The following CNNM2 variants were observed in gnomAD, a reference collection of about 807,000 sequenced individuals.
The protein encoded by CNNM2 is cyclin and CBS domain divalent metal cation transport mediator 2.
CNNM2 carries 12 observed loss-of-function variants against 66.9 expected under a neutral mutation model. The observed-to-expected ratio is 0.18, with a 90% CI of 0.11 to 0.29. CNNM2 has a LOEUF of 0.29. CNNM2 is among the 10% of genes least tolerant of loss of function. CNNM2 has a pLI of 1.00. For missense variants in CNNM2, 705 were observed against 1,167.7 expected (o/e 0.60, Z 5.77); for synonymous variants, 557 against 501.8 (o/e 1.11, Z -1.47).
chr10:102,952,289 G>T (rs1388554295), intron 1 of CNNM2, among the ~76,000 whole-genome samples: 1 of 152,026 alleles, frequency 6.6e-6, no homozygotes, highest in Non-Finnish European at 1.5e-5. Context: ...TGGGGGCCGG[G>T]CGCAGTGGCT....
chr10:103,003,363 C>T (rs1842260656), intron 1 of CNNM2, among the ~76,000 whole-genome samples: 1 of 152,144 alleles, frequency 6.6e-6, no homozygotes, highest in Non-Finnish European at 1.5e-5. Context: ...ATCCGCCTGC[C>T]TCAGCTTCCC....
intron 1 of CNNM2, among the ~76,000 whole-genome samples, chr10:102,980,608 T>A (rs2063705180): frequency 6.6e-6 from 1 of 152,158 alleles, no homozygotes; most frequent in African/African-American, 2.4e-5. Context: ...CGCTGAAAGA[T>A]AAGGACTTTC....
intron 1 of CNNM2, chr10:102,921,049 C>T (rs1300196676): frequency 3.1e-6 from 3 of 977,060 alleles, no homozygotes; most frequent in Non-Finnish European, 3.6e-6. Flanking sequence ...TCCGTCAACT[C>T]TCACCGTTCC....
At chr10:102,988,863 G>C (rs1475133826) in intron 1 of CNNM2, among the ~76,000 whole-genome samples, 4 of 152,190 alleles carry the variant, frequency 2.6e-5, no homozygotes, top group African/African-American at 7.2e-5. Context: ...TGGCTTAGGT[G>C]ACCGACTAAC....
intron 6 of CNNM2, 27 bp downstream of exon 6, chr10:103,071,866 A>G: frequency 1.2e-6 from 2 of 1,601,936 alleles, no homozygotes; most frequent in Non-Finnish European, 8.6e-7. Context: ...CCTTTCCGTA[A>G]TTCTCCTGAT....
chr10:103,016,665 T>C (rs1397482714), intron 1 of CNNM2, among the ~76,000 whole-genome samples: 3 of 152,248 alleles, frequency 2.0e-5, no homozygotes. Flanking sequence ...ACTGGATGTG[T>C]ATTAACCAAT....
At chr10:102,970,735 C>T (rs1384185157) in intron 1 of CNNM2, among the ~76,000 whole-genome samples, 1 of 152,160 alleles carries the variant, frequency 6.6e-6, no homozygotes, top group Non-Finnish European at 1.5e-5. Flanking sequence ...CAGTTCACCC[C>T]CCTTCTTCAG....
chr10:102,985,008 T>C (rs1000146454), intron 1 of CNNM2, among the ~76,000 whole-genome samples: 1 of 152,146 alleles, frequency 6.6e-6, no homozygotes, highest in Non-Finnish European at 1.5e-5. Context: ...TTTGCTAATA[T>C]TTTCTACACT....
At position 103,084,546 on chromosome 10, in the gene CNNM2, T is replaced by C. The variant is rs1195985862; in HGVS notation, c.*7366T>C. 1 of 152,204 alleles carries C rather than the reference T, an allele frequency of 6.6e-6. No homozygotes were observed. Among genetic ancestry groups the C allele is most frequent in the Non-Finnish European group, 1.5e-5 (1 of 68,030 alleles). The allele number at this position is 152,204 out of a possible 1,614,324, so 9.4% of individuals were successfully genotyped here. On this transcript the variant is annotated 3_prime_UTR_variant, in exon 8 of 8. Coordinates refer to ENST00000369878, the MANE Select transcript of CNNM2 (RefSeq NM_017649.5). ...CCAGCCTCCTGCCTTGGTTTGTTTT[T>C]CCTGTTTTACTCACTTGGTCTAGAT...
intron 1 of CNNM2, among the ~76,000 whole-genome samples, chr10:102,984,455 A>G (rs1188800093): frequency 6.6e-6 from 1 of 152,204 alleles, no homozygotes; most frequent in African/African-American, 2.4e-5. Context: ...TAGTCCCAGT[A>G]GCCATTAAGT....
In CNNM2 at chr10:102,991,608, A is replaced by C. The variant is rs1176972855; in HGVS notation, c.1622-58099A>C. On this transcript the variant is annotated intron_variant, in intron 1 of 7. Coordinates refer to ENST00000369878, the MANE Select transcript of CNNM2 (RefSeq NM_017649.5). The stretch of plus-strand genomic sequence containing the variant: ...ATTCCATCGTCTGAAGTAAAGCTAT[A>C]CTAATTTGGAGTATCTGAAGGAGTA... Among the ~76,000 whole-genome samples, 4 of 152,282 alleles carry C rather than the reference A, an allele frequency of 2.6e-5. No individual in the cohort carries two copies. The East Asian group carries it at 5.8e-4, about 22-fold the overall frequency.
chr10:103,012,447 A>G (rs1375456546), intron 1 of CNNM2, among the ~76,000 whole-genome samples: 2 of 152,080 alleles, frequency 1.3e-5, no homozygotes, highest in African/African-American at 4.8e-5. Context: ...GGAGTTCAAG[A>G]CCAGCCTGGC....
chr10:102,967,576 C>T lies in CNNM2; in HGVS notation c.1621+47475C>T, dbSNP rs7899622. On this transcript the variant is annotated intron_variant, in intron 1 of 7. Coordinates refer to ENST00000369878, the MANE Select transcript of CNNM2 (RefSeq NM_017649.5). ...CACTTAGCAAAATGTTTTTGAGGCT[C>T]AGCCATGGTGTAGCATGTATAAGTT... Among the ~76,000 whole-genome samples the T allele has an allele frequency of 0.31, 47,527 of 152,116 alleles. 7,542 individuals are homozygous for T. The highest frequency in any genetic ancestry group is 0.37 in the Middle Eastern group (107 of 292).
At chr10:102,992,708 A>C (rs1310722815) in intron 1 of CNNM2, among the ~76,000 whole-genome samples, 2 of 152,102 alleles carry the variant, frequency 1.3e-5, no homozygotes. Flanking sequence ...CCTATTGCTG[A>C]TTCTCAAGCC....
In CNNM2 at chr10:103,089,634, A is replaced by G. The variant is rs2066175726; in HGVS notation, c.*12454A>G. On this transcript the variant is annotated 3_prime_UTR_variant, in exon 8 of 8. Transcript: ENST00000369878. ...GTTTGTTCCTGTGAGTCCTGCCAGG[A>G]CTTGTTTAATGGGTGCTTGGGGTTT... The G allele has an allele frequency of 6.5e-7, 1 of 1,542,688 alleles. No individual in the cohort carries two copies. Among genetic ancestry groups the G allele is most frequent in the African/African-American group, 1.4e-5 (1 of 72,738 alleles).
chr10:103,039,871 A>G (rs2134315318), intron 1 of CNNM2, among the ~76,000 whole-genome samples: 1 of 152,278 alleles, frequency 6.6e-6, no homozygotes, highest in South Asian at 2.1e-4. Context: ...ACTTAGTATA[A>G]GAAAGAGATG....
chr10:102,940,600 A>T (rs1846396407), intron 1 of CNNM2, among the ~76,000 whole-genome samples: 1 of 151,536 alleles, frequency 6.6e-6, no homozygotes, highest in Non-Finnish European at 1.5e-5. Context: ...TTGTATTTTT[A>T]GTAGAGACAG....
chr10:102,940,622 G>A (rs952201504), intron 1 of CNNM2, among the ~76,000 whole-genome samples: 8 of 151,360 alleles, frequency 5.3e-5, no homozygotes, highest in Admixed American at 2.6e-4. Context: ...GTTTCACCGT[G>A]TTAGCCAGGA....
At chr10:102,931,382 G>A (rs1370253786) in intron 1 of CNNM2, among the ~76,000 whole-genome samples, 1 of 123,544 alleles carries the variant, frequency 8.1e-6, no homozygotes, top group East Asian at 2.4e-4. Flanking sequence ...TTTCGAGACA[G>A]TTTCACTCTT....
Sources: allele counts gnomAD v4.1 joint callset (sites outside exome capture counted in the v4.1 genomes callset), GRCh38; gene constraint gnomAD v4.1.1; transcripts MANE v1.5; gene names NCBI Gene and HGNC (gene_info 2026-07-23, HGNC 2026-07-21).